The following PAGE2B variants were observed in gnomAD, a reference collection of about 807,000 sequenced individuals.
PAGE2B encodes the protein PAGE family member 2B, also known as putative G antigen family E member 3.
Under a neutral mutation model 7.6 loss-of-function variants are expected in PAGE2B, and 5 were observed. The ratio of observed to expected loss-of-function variants is 0.66; its 90% confidence interval spans 0.34 to 1.38. The LOEUF (loss-of-function observed/expected upper bound fraction) is 1.38, where lower values mean the gene tolerates loss of function less well. Among genes scored for constraint, PAGE2B ranks in the 40% most tolerant of loss-of-function variants. The pLI, the probability that PAGE2B is intolerant of heterozygous loss-of-function variation, is 0.04. For synonymous variants in PAGE2B, 29 were observed against 26.7 expected, an observed-to-expected ratio of 1.09 and a Z score of -0.27; for missense variants, 70 against 78.4, an observed-to-expected ratio of 0.89 and a Z score of 0.41.
the PAGE2B span, among the ~76,000 whole-genome samples, chrX:55,053,639 A>G: frequency 8.9e-6 from 1 of 112,172 alleles, no homozygotes; most frequent in Non-Finnish European, 1.9e-5. Flanking sequence ...TATAATCAGC[A>G]TACAGAGGAA....
the PAGE2B span, among the ~76,000 whole-genome samples, chrX:55,036,627 A>C: frequency 9.0e-6 from 1 of 111,388 alleles, no homozygotes; most frequent in Admixed American, 9.6e-5. Flanking sequence ...AACTGGAAGC[A>C]TCACGCTACC....
chrX:55,075,440 G>C (rs771481722), intron 1 of PAGE2B, among the ~76,000 whole-genome samples: 10 of 110,969 alleles, frequency 9.0e-5, no homozygotes, highest in East Asian at 2.9e-4. Flanking sequence ...CAGACTCCTC[G>C]GTAGGGACGC....
At chrX:55,048,764 G>C in the PAGE2B span, among the ~76,000 whole-genome samples, 2 of 111,659 alleles carry the variant, frequency 1.8e-5, no homozygotes, top group Admixed American at 9.6e-5. Flanking sequence ...AGGACAACTT[G>C]ACTTCCTCTT....
At chrX:55,060,637 T>C in the PAGE2B span, among the ~76,000 whole-genome samples, 1 of 111,777 alleles carries the variant, frequency 8.9e-6, no homozygotes, top group Non-Finnish European at 1.9e-5. Context: ...AATCCATTTG[T>C]CTATTTTTGC....
chrX:55,052,813 G>A, the PAGE2B span, among the ~76,000 whole-genome samples: 1 of 112,629 alleles, frequency 8.9e-6, no homozygotes, highest in Non-Finnish European at 1.9e-5. Flanking sequence ...TGCACCCACT[G>A]TCCGACACTC....
rs1009582841 is a variant in PAGE2B, at chrX:55,076,615, C to G, written c.131C>G (p.Thr44Ser). 1 of 1,208,341 alleles carries G rather than the reference C, an allele frequency of 8.3e-7. No homozygotes were observed. The part of the protein sequence containing the change: ...EEKRQEEEPP[T>S]DNQGIAPSGE... ...AAACGTCAAGAAGAGGAACCACCAA[C>G]TGATAATCAGGGTATTGCACCTAGT... The change falls in exon 3 of 5, where the codon ACT (threonine) becomes AGT (serine). Residue 44 changes from threonine (T) to serine (S), a missense_variant. By Grantham distance (58) the Thr-to-Ser change is moderately conservative. Transcript: ENST00000374971.
At chrX:55,050,485 G>T in the PAGE2B span, among the ~76,000 whole-genome samples, 2 of 109,284 alleles carry the variant, frequency 1.8e-5, no homozygotes, top group African/African-American at 6.7e-5. Context: ...TATGAATCTG[G>T]GTGCTCCTGT....
chrX:55,069,340 T>C, the PAGE2B span, among the ~76,000 whole-genome samples: 1 of 111,732 alleles, frequency 8.9e-6, no homozygotes, highest in Non-Finnish European at 1.9e-5. Context: ...ATGGATTACG[T>C]TTATTGATTT....
At chrX:55,032,367 G>C in the PAGE2B span, among the ~76,000 whole-genome samples, 1 of 111,712 alleles carries the variant, frequency 9.0e-6, no homozygotes, top group African/African-American at 3.3e-5. Context: ...TATCAGTGTT[G>C]CTTTGATTTG....
At chrX:55,075,983 T>G (rs1936506856) in intron 1 of PAGE2B, 51 bp from the exon 2 acceptor site, 1 of 1,085,582 alleles carries the variant, frequency 9.2e-7, no homozygotes, top group African/African-American at 1.8e-5. Flanking sequence ...TGTTCATATA[T>G]ATAGCTAAGT....
upstream of PAGE2B, among the ~76,000 whole-genome samples, chrX:55,072,256 C>T (rs867318175): frequency 5.4e-5 from 6 of 112,140 alleles, no homozygotes; most frequent in African/African-American, 1.6e-4. Context: ...ATGTGGTTTC[C>T]GTCTGGGGGT....
chrX:55,057,576 A>G, the PAGE2B span, among the ~76,000 whole-genome samples: 1 of 110,725 alleles, frequency 9.0e-6, no homozygotes, highest in Non-Finnish European at 1.9e-5. Context: ...TCCTAATGAT[A>G]TTGCCTCTGT....
At chrX:55,040,931 C>A in the PAGE2B span, among the ~76,000 whole-genome samples, 1 of 111,212 alleles carries the variant, frequency 9.0e-6, no homozygotes, top group Non-Finnish European at 1.9e-5. Context: ...TTCTATAGTA[C>A]TTTAGCTGTA....
At chrX:55,045,919 A>G in the PAGE2B span, among the ~76,000 whole-genome samples, 3 of 111,162 alleles carry the variant, frequency 2.7e-5, no homozygotes, top group Non-Finnish European at 5.7e-5. Context: ...GTTACTGGGG[A>G]TACAAAGAAG....
the PAGE2B span, among the ~76,000 whole-genome samples, chrX:55,046,013 C>T: frequency 3.6e-5 from 4 of 111,488 alleles, no homozygotes; most frequent in Non-Finnish European, 7.5e-5. Context: ...CATAGAGGCA[C>T]GGAGGAGAAA....
At chrX:55,051,138 C>T in the PAGE2B span, among the ~76,000 whole-genome samples, 2 of 111,584 alleles carry the variant, frequency 1.8e-5, no homozygotes, top group African/African-American at 6.5e-5. Context: ...ATATCGGCCC[C>T]CACTCACTTC....
chrX:55,073,444 G>A (rs895924391), upstream of PAGE2B, among the ~76,000 whole-genome samples: 11 of 111,438 alleles, frequency 9.9e-5, no homozygotes, highest in African/African-American at 3.6e-4. Flanking sequence ...AATGCAGAAA[G>A]TGCTTGCCTT....
At chrX:55,064,043 T>C in the PAGE2B span, among the ~76,000 whole-genome samples, 1 of 111,305 alleles carries the variant, frequency 9.0e-6, no homozygotes, top group Non-Finnish European at 1.9e-5. Context: ...CTTTGTCTGG[T>C]TTTGGTATCA....
the PAGE2B span, among the ~76,000 whole-genome samples, chrX:55,062,661 C>T: frequency 9.9e-5 from 11 of 111,670 alleles, no homozygotes; most frequent in East Asian, 5.6e-4. Context: ...ATATTGCTCA[C>T]GAAATCTTTG....
Sources: gnomAD v4.1 joint callset for allele counts (sites outside exome capture counted in the v4.1 genomes callset) on GRCh38, gnomAD v4.1.1 for gene constraint, MANE v1.5 for transcripts, NCBI Gene and HGNC (gene_info 2026-07-23, HGNC 2026-07-21) for gene names.